TBC1D12: variants seen among roughly 807,000 people sequenced by gnomAD.
TBC1D12 encodes TBC1 domain family, member 12.
A neutral mutation model predicts 86.7 loss-of-function variants in TBC1D12; 56 were observed. That is an observed-to-expected ratio of 0.65 (90% CI 0.52 to 0.81). The LOEUF (loss-of-function observed/expected upper bound fraction) is 0.81, where lower values mean the gene tolerates loss of function less well. Ranked by LOEUF, TBC1D12 falls within the 30% of genes least tolerant of loss-of-function variation. The pLI, the probability that TBC1D12 is intolerant of heterozygous loss-of-function variation, is 0.00. For missense variants in TBC1D12, 1,023 were observed against 1,038.8 expected (o/e 0.98, Z 0.21); for synonymous variants, 421 against 411.7 (o/e 1.02, Z -0.27).
chr10:94,458,285 C>G (rs1328402894), intron 2 of TBC1D12, among the ~76,000 whole-genome samples: 1 of 151,934 alleles, frequency 6.6e-6, no homozygotes, highest in African/African-American at 2.4e-5. Flanking sequence ...CATGCTTAGC[C>G]CCTCACCGCA....
At chr10:94,458,629 G>A (rs1048448670) in intron 2 of TBC1D12, among the ~76,000 whole-genome samples, 6 of 152,092 alleles carry the variant, frequency 3.9e-5, no homozygotes, top group African/African-American at 1.2e-4. Context: ...TGGTGTGTCC[G>A]GAATTTGCTC....
intron 1 of TBC1D12, among the ~76,000 whole-genome samples, chr10:94,433,184 A>C (rs1404758971): frequency 6.6e-6 from 1 of 152,016 alleles, no homozygotes; most frequent in Non-Finnish European, 1.5e-5. Context: ...TGGGCAAGAG[A>C]GCAAGACTTC....
chr10:94,523,445 G>A (rs1842207980), intron 11 of TBC1D12, among the ~76,000 whole-genome samples: 1 of 151,890 alleles, frequency 6.6e-6, no homozygotes, highest in Non-Finnish European at 1.5e-5. Flanking sequence ...TTTACTAAGG[G>A]CTTCATATTG....
intron 11 of TBC1D12, among the ~76,000 whole-genome samples, chr10:94,527,308 T>C (rs1332674638): frequency 6.6e-6 from 1 of 152,102 alleles, no homozygotes; most frequent in East Asian, 1.9e-4. Flanking sequence ...CAGGCTGGTC[T>C]GGAACTCCTG....
chr10:94,492,380 T>G (rs1185487143), intron 3 of TBC1D12, among the ~76,000 whole-genome samples: 1 of 152,196 alleles, frequency 6.6e-6, no homozygotes, highest in Non-Finnish European at 1.5e-5. Context: ...GTTTGACAGT[T>G]TATTGTAAAG....
At chr10:94,452,700 T>C (rs961760645) in intron 2 of TBC1D12, among the ~76,000 whole-genome samples, 3 of 152,206 alleles carry the variant, frequency 2.0e-5, no homozygotes, top group Admixed American at 2.0e-4. Context: ...AAGGACGTCT[T>C]AGTTGCTTCC....
At chr10:94,531,993 G>A (rs1842447463) in intron 12 of TBC1D12, among the ~76,000 whole-genome samples, 1 of 151,114 alleles carries the variant, frequency 6.6e-6, no homozygotes, top group Admixed American at 6.6e-5. Flanking sequence ...CCATTCTCCT[G>A]CCTCAGCCTC....
chr10:94,406,537 T>C (rs572816139), intron 1 of TBC1D12, among the ~76,000 whole-genome samples: 1 of 152,378 alleles, frequency 6.6e-6, no homozygotes, highest in Non-Finnish European at 1.5e-5. Context: ...GCCACTGGTA[T>C]GAAGAACACC....
At chr10:94,494,167 T>A (rs1222373574) in intron 4 of TBC1D12, among the ~76,000 whole-genome samples, 1 of 152,132 alleles carries the variant, frequency 6.6e-6, no homozygotes, top group African/African-American at 2.4e-5. Context: ...ATTCATTCAT[T>A]CTCTTTTCCA....
At chr10:94,457,546 C>T (rs900118852) in intron 2 of TBC1D12, among the ~76,000 whole-genome samples, 4 of 152,128 alleles carry the variant, frequency 2.6e-5, no homozygotes, top group African/African-American at 9.7e-5. Context: ...TCCAAAAGTG[C>T]TGGGATTACA....
intron 7 of TBC1D12, 61 bp from the exon 8 acceptor site, chr10:94,510,030 A>G (rs563818783): frequency 2.5e-6 from 3 of 1,179,420 alleles, no homozygotes; most frequent in Admixed American, 2.0e-5. Flanking sequence ...TTCTGTATTT[A>G]TAAAATTGGA....
rs1306007265 is a variant in TBC1D12 at position 94,522,439 on chromosome 10, A to G, written c.1986A>G (p.Ile662Met). The G allele has an allele frequency of 1.5e-6, 2 of 1,309,392 alleles. No homozygotes were observed. The highest frequency in any genetic ancestry group is 1.4e-5 in the South Asian group (1 of 70,664). The allele number at this position is 1,309,392 out of a possible 1,614,324, so 81.1% of individuals were successfully genotyped here. ...HFKSYSLTPD[I>M]YLIDWIFTLY... Reference sequence around the variant, plus strand: ...AATCTTACAGTCTTACACCAGATATATACTTGATAGACTGGTAAGTCATAA... The same window carrying G: ...AATCTTACAGTCTTACACCAGATATGTACTTGATAGACTGGTAAGTCATAA... Residue 662 changes from isoleucine to methionine, a missense_variant, in exon 11 of 13, where the codon ATA becomes ATG. Around this residue, in one of 2 missense-constraint regions of TBC1D12, gnomAD observed 395 missense variants for 507.7 expected, o/e 0.78. Coordinates refer to ENST00000225235, the MANE Select transcript of TBC1D12 (RefSeq NM_015188.2).
chr10:94,532,910 T>C, intron 12 of TBC1D12, 118 bp from the exon 13 acceptor site: 3 of 562,384 alleles, frequency 5.3e-6, no homozygotes, highest in Admixed American at 7.9e-5. Context: ...TGACACACTT[T>C]CGGGGACAGT....
chr10:94,501,828 G>A (rs2056401540), intron 6 of TBC1D12, among the ~76,000 whole-genome samples: 1 of 151,920 alleles, frequency 6.6e-6, no homozygotes, highest in Non-Finnish European at 1.5e-5. Flanking sequence ...GATTACAGGT[G>A]TAAGCCACCG....
rs1035667841 is a variant in TBC1D12 at position 94,408,936 on chromosome 10, C to T, written c.971+5352C>T. Among the ~76,000 whole-genome samples, 15 of 152,136 alleles carry T rather than the reference C, an allele frequency of 9.9e-5. 1 individual carries two copies. The highest frequency in any genetic ancestry group is 3.6e-4 in the African/African-American group (15 of 41,418). ...TCAAACCTGTTTTGTTCAGGATCAACTGTGCTACTATAATTAATGTTTAAA... is the reference window on the plus strand; with the variant it reads ...TCAAACCTGTTTTGTTCAGGATCAATTGTGCTACTATAATTAATGTTTAAA... On this transcript the variant is annotated intron_variant, in intron 1 of 12. Coordinates refer to ENST00000225235, the MANE Select transcript of TBC1D12 (RefSeq NM_015188.2).
At chr10:94,477,659 G>A (rs1259789463) in intron 3 of TBC1D12, among the ~76,000 whole-genome samples, 2 of 152,194 alleles carry the variant, frequency 1.3e-5, no homozygotes, top group Non-Finnish European at 2.9e-5. Context: ...GTTTATGGAT[G>A]CAGGCAGATT....
chr10:94,477,418 A>G (rs369470781), intron 3 of TBC1D12, among the ~76,000 whole-genome samples: 1 of 152,228 alleles, frequency 6.6e-6, no homozygotes, highest in African/African-American at 2.4e-5. Context: ...ATTGAAAAAT[A>G]GATAATGGAG....
chr10:94,444,637 T>TC (rs1157129832), intron 2 of TBC1D12, among the ~76,000 whole-genome samples: 1 of 152,216 alleles, frequency 6.6e-6, no homozygotes, highest in Non-Finnish European at 1.5e-5. Context: ...ACCATAAGTC[T>TC]CTGAATAAAT....
At chr10:94,421,289 T>C (rs1399241479) in intron 1 of TBC1D12, among the ~76,000 whole-genome samples, 1 of 152,228 alleles carries the variant, frequency 6.6e-6, no homozygotes, top group East Asian at 1.9e-4. Flanking sequence ...TATTTGTCTG[T>C]CTGTGCATGG....
Sources: allele counts gnomAD v4.1 joint callset (sites outside exome capture counted in the v4.1 genomes callset), GRCh38; gene constraint gnomAD v4.1.1; regional missense constraint gnomAD v4.1.1; transcripts MANE v1.5; gene names NCBI Gene and HGNC (gene_info 2026-07-23, HGNC 2026-07-21).